WFDC11: variants seen among roughly 807,000 people sequenced by gnomAD.
WFDC11 encodes protein WFDC11.
In WFDC11, 9 loss-of-function variants were observed where a neutral mutation model predicts 9.9. The observed-to-expected ratio is 0.91, with a 90% CI of 0.55 to 1.58. WFDC11 has a LOEUF of 1.58. WFDC11 is among the 40% of genes most tolerant of loss of function. The pLI is 0.00. For synonymous variants in WFDC11, 32 were observed against 33.3 expected (o/e 0.96, Z 0.13); for missense variants, 106 against 101.7 (o/e 1.04, Z -0.18).
intron 2 of WFDC11, among the ~76,000 whole-genome samples, chr20:45,664,515 C>T (rs1227026369): frequency 6.6e-6 from 1 of 152,174 alleles, no homozygotes; most frequent in Non-Finnish European, 1.5e-5. Context: ...TCATAGCCTT[C>T]ATGGTCTGTA....
chr20:45,668,913 G>A (rs1006317024), intron 1 of WFDC11, among the ~76,000 whole-genome samples: 2 of 151,998 alleles, frequency 1.3e-5, no homozygotes, highest in East Asian at 3.9e-4. Context: ...TATTCCTTGG[G>A]AAAGCCAATA....
At position 45,650,547 on chromosome 20, in the gene WFDC11, C is replaced by A; in HGVS notation, c.54G>T (p.Thr18=). 1 of 1,614,038 alleles carries A rather than the reference C, an allele frequency of 6.2e-7. No individual in the cohort carries two copies. The highest frequency in any genetic ancestry group is 8.5e-7 in the Non-Finnish European group (1 of 1,180,024). The change falls in exon 3 of 5, where the codon ACG becomes ACT. Residue 18 remains threonine, a synonymous_variant. Coordinates refer to ENST00000324384, the MANE Select transcript of WFDC11 (RefSeq NM_147197.2). ...TTTCTCCCAGCACAGACAGTAGCAC[C>A]GTACAGAAGAATGTCATGAGCATGG... ...WIPMLMTFFC[T]VLLSVLGEMR... is the part of the protein sequence containing the mutation.
At chr20:45,669,247 T>C (rs1193655691) in intron 1 of WFDC11, among the ~76,000 whole-genome samples, 2 of 152,210 alleles carry the variant, frequency 1.3e-5, no homozygotes, top group Admixed American at 6.5e-5. Context: ...GCTAACTCCA[T>C]GACCTTGGGT....
intron 2 of WFDC11, among the ~76,000 whole-genome samples, chr20:45,662,995 G>T (rs1983104592): frequency 6.6e-6 from 1 of 152,188 alleles, no homozygotes. Context: ...AGAAGGAACG[G>T]TACCAGCTCC....
intron 2 of WFDC11, among the ~76,000 whole-genome samples, chr20:45,660,492 G>T (rs1285703421): frequency 6.6e-6 from 1 of 152,020 alleles, no homozygotes; most frequent in Non-Finnish European, 1.5e-5. Context: ...GTATACATGT[G>T]CCATGCTGGT....
At chr20:45,650,786 G>T in intron 2 of WFDC11, 135 bp from the exon 3 acceptor site, 1 of 508,986 alleles carries the variant, frequency 2.0e-6, no homozygotes, top group Non-Finnish European at 3.4e-6. Flanking sequence ...CACCTAAGCT[G>T]AGCGTTGGCT....
chr20:45,650,718 C>A, intron 2 of WFDC11, 67 bp from the exon 3 acceptor site: 2 of 833,480 alleles, frequency 2.4e-6, no homozygotes, highest in Non-Finnish European at 3.9e-6. Flanking sequence ...TGTCGAATTT[C>A]TTCATTCTTT....
At chr20:45,665,153 A>G (rs1983161034) in intron 2 of WFDC11, among the ~76,000 whole-genome samples, 1 of 151,802 alleles carries the variant, frequency 6.6e-6, no homozygotes, top group South Asian at 2.1e-4. Flanking sequence ...TTTTCACTTT[A>G]TTTCATTAAT....
intron 2 of WFDC11, among the ~76,000 whole-genome samples, chr20:45,665,039 C>A (rs1983158248): frequency 6.6e-6 from 1 of 152,240 alleles, no homozygotes; most frequent in South Asian, 2.1e-4. Context: ...CTTCTCATCA[C>A]TTTCAGGTAC....
chr20:45,649,204 A>C, intron 4 of WFDC11, 53 bp downstream of exon 4: 2 of 1,599,092 alleles, frequency 1.3e-6, no homozygotes, highest in Admixed American at 1.7e-5. Context: ...GCCTCCGAGA[A>C]GGGAATGAGA....
chr20:45,659,988 G>A (rs905901419), intron 2 of WFDC11, among the ~76,000 whole-genome samples: 2 of 152,094 alleles, frequency 1.3e-5, no homozygotes, highest in African/African-American at 4.8e-5. Context: ...CCTATTGCTT[G>A]CTTTTTTCAG....
chr20:45,656,588 G>A (rs1260330729), intron 2 of WFDC11, among the ~76,000 whole-genome samples: 2 of 151,958 alleles, frequency 1.3e-5, no homozygotes, highest in African/African-American at 4.8e-5. Context: ...AGACAAGTGG[G>A]ATCTAATTAA....
chr20:45,655,727 C>T (rs1982915167), intron 2 of WFDC11, among the ~76,000 whole-genome samples: 1 of 152,208 alleles, frequency 6.6e-6, no homozygotes, highest in Non-Finnish European at 1.5e-5. Flanking sequence ...TAAGCAACTT[C>T]AGCAAAGTTT....
At chr20:45,650,880 A>G (rs1318691851) in intron 2 of WFDC11, among the ~76,000 whole-genome samples, 1 of 152,240 alleles carries the variant, frequency 6.6e-6, no homozygotes, top group East Asian at 1.9e-4. Flanking sequence ...TATTTTGATT[A>G]AAACATAATT....
chr20:45,661,687 T>A (rs1485465242), intron 2 of WFDC11, among the ~76,000 whole-genome samples: 1 of 152,190 alleles, frequency 6.6e-6, no homozygotes, highest in Non-Finnish European at 1.5e-5. Flanking sequence ...CCTTTCCCCA[T>A]TGCTTGTTTT....
intron 2 of WFDC11, among the ~76,000 whole-genome samples, chr20:45,666,029 G>A (rs1312006754): frequency 1.3e-5 from 2 of 152,190 alleles, no homozygotes; most frequent in Admixed American, 1.3e-4. Flanking sequence ...TGCCCACAGT[G>A]GTGGTGACTA....
At chr20:45,648,812 A>C in intron 4 of WFDC11, 73 bp from the exon 5 acceptor site, 9 of 1,459,388 alleles carry the variant, frequency 6.2e-6, no homozygotes, top group Non-Finnish European at 8.6e-6. Flanking sequence ...CCCCTGCTTA[A>C]TAGTATCCAT....
At chr20:45,655,524 A>T (rs1982909408) in intron 2 of WFDC11, among the ~76,000 whole-genome samples, 1 of 152,224 alleles carries the variant, frequency 6.6e-6, no homozygotes, top group South Asian at 2.1e-4. Flanking sequence ...AACTGGCACA[A>T]GACAGGAATG....
chr20:45,650,218 A>ACG (rs1935544263), intron 3 of WFDC11, among the ~76,000 whole-genome samples: 1 of 85,506 alleles, frequency 1.2e-5, no homozygotes, highest in African/African-American at 5.2e-5. Context: ...ATATACACAC[A>ACG]CACACACACA....
Sources: allele counts gnomAD v4.1 joint callset (sites outside exome capture counted in the v4.1 genomes callset), GRCh38; gene constraint gnomAD v4.1.1; transcripts MANE v1.5; gene names NCBI Gene and HGNC (gene_info 2026-07-23, HGNC 2026-07-21).